NUP93: variants seen among roughly 807,000 people sequenced by gnomAD.
NUP93 encodes the protein nucleoporin 93, also known as nuclear pore complex protein Nup93.
NUP93 carries 55 observed loss-of-function variants against 107.8 expected under a neutral mutation model. The observed-to-expected ratio is 0.51, with a 90% CI of 0.41 to 0.64. NUP93 has a LOEUF of 0.64. Ranked by LOEUF, NUP93 falls within the 30% of genes least tolerant of loss-of-function variation. The pLI is 0.00. For missense variants in NUP93, 937 were observed against 1,044.7 expected (o/e 0.90, Z 1.42); for synonymous variants, 390 against 397.5 (o/e 0.98, Z 0.22).
At chr16:56,817,352 CT>C (rs1963454838) in intron 5 of NUP93, among the ~76,000 whole-genome samples, 2 of 152,176 alleles carry the variant, frequency 1.3e-5, no homozygotes, top group Admixed American at 1.3e-4. Context: ...CTCTCTCCCC[CT>C]CTCCTGGTGC....
At chr16:56,774,194 G>A (rs2144508582) in intron 3 of NUP93, among the ~76,000 whole-genome samples, 1 of 152,300 alleles carries the variant, frequency 6.6e-6, no homozygotes, top group Non-Finnish European at 1.5e-5. Flanking sequence ...GCTGTGAGCG[G>A]ATGTGCTGTT....
chr16:56,798,582 A>T (rs779904364), intron 4 of NUP93, 44 bp downstream of exon 4: 1 of 1,521,960 alleles, frequency 6.6e-7, no homozygotes. Flanking sequence ...GATGAGGGCA[A>T]GAGGGCTGGG....
intron 3 of NUP93, among the ~76,000 whole-genome samples, chr16:56,784,789 A>G (rs570807244): frequency 1.3e-5 from 2 of 152,296 alleles, no homozygotes; most frequent in Non-Finnish European, 2.9e-5. Flanking sequence ...CTTGATATCA[A>G]ATTTATAAAG....
At chr16:56,815,685 T>A (rs1326968344) in intron 5 of NUP93, among the ~76,000 whole-genome samples, 2 of 152,190 alleles carry the variant, frequency 1.3e-5, no homozygotes, top group African/African-American at 4.8e-5. Context: ...CTCACAACAG[T>A]GCTGTGAGGT....
At chr16:56,843,502 G>A (rs964490161) in intron 21 of NUP93, among the ~76,000 whole-genome samples, 15 of 152,244 alleles carry the variant, frequency 9.9e-5, no homozygotes, top group African/African-American at 2.4e-4. Flanking sequence ...TAAAAGCTGC[G>A]TGCCCAAGAA....
At chr16:56,839,722 G>A (rs985176763) in intron 20 of NUP93, 118 bp downstream of exon 20, 8 of 804,430 alleles carry the variant, frequency 9.9e-6, no homozygotes, top group Non-Finnish European at 1.7e-5. Flanking sequence ...TCCAGACTGA[G>A]TTTTCCAGAG....
At chr16:56,805,383 G>T in intron 4 of NUP93, 121 bp from the exon 5 acceptor site, 2 of 1,024,960 alleles carry the variant, frequency 2.0e-6, no homozygotes, top group Non-Finnish European at 1.4e-6. Context: ...AAAGTAGATT[G>T]CTTTTTCTCT....
At chr16:56,814,417 T>C (rs1307440056) in intron 5 of NUP93, among the ~76,000 whole-genome samples, 1 of 152,200 alleles carries the variant, frequency 6.6e-6, no homozygotes, top group Non-Finnish European at 1.5e-5. Context: ...CTTGAACTCC[T>C]GGACTCAAGT....
chr16:56,770,422 A>G (rs1277498200), intron 3 of NUP93, among the ~76,000 whole-genome samples: 2 of 152,188 alleles, frequency 1.3e-5, no homozygotes, highest in Non-Finnish European at 2.9e-5. Flanking sequence ...TCACCCCTTG[A>G]GTTAAGGCTG....
chr16:56,801,899 G>A (rs566402882), intron 4 of NUP93, among the ~76,000 whole-genome samples: 1 of 152,264 alleles, frequency 6.6e-6, no homozygotes, highest in Admixed American at 6.5e-5. Context: ...AATTCCCACT[G>A]TTGTCATTCT....
chr16:56,832,500 C>T (rs1023553376), intron 12 of NUP93, 112 bp downstream of exon 12: 2 of 778,980 alleles, frequency 2.6e-6, no homozygotes, highest in Admixed American at 2.1e-5. Flanking sequence ...TCTTCCAAAA[C>T]TCCTATAGAT....
chr16:56,788,822 G>A (rs982082239), intron 3 of NUP93, among the ~76,000 whole-genome samples: 1 of 152,200 alleles, frequency 6.6e-6, no homozygotes, highest in Non-Finnish European at 1.5e-5. Flanking sequence ...TGCCTACATT[G>A]TGTTGACAAG....
chr16:56,843,121 G>T (rs910281826), intron 21 of NUP93, among the ~76,000 whole-genome samples: 7 of 152,302 alleles, frequency 4.6e-5, no homozygotes, highest in African/African-American at 1.4e-4. Flanking sequence ...CCACTGAAGC[G>T]GTCAGCCCAT....
rs1293610338 is a variant in NUP93, at chr16:56,848,740, A to AT, written c.*4134dup. 6.6e-6 allele frequency: 1 copy of AT among 152,218 alleles called. No homozygotes were observed. The highest frequency in any genetic ancestry group is 2.4e-5 in the African/African-American group (1 of 41,452). The allele number at this position is 152,218 out of a possible 1,614,324, so 9.4% of individuals were successfully genotyped here. A position where few individuals can be genotyped will look rare whatever the true frequency, so the allele number is the denominator to read the frequency against. ...GTGACTGGCTAGATAGGCCACGTGTATTTATCAGCCAAGATTCCATTGCAG... is the reference window on the plus strand; with the variant it reads ...GTGACTGGCTAGATAGGCCACGTGTATTTTATCAGCCAAGATTCCATTGCAG... On this transcript the variant is annotated 3_prime_UTR_variant, in exon 22 of 22. Transcript: ENST00000308159.
At chr16:56,804,130 G>A (rs1963081615) in intron 4 of NUP93, among the ~76,000 whole-genome samples, 1 of 152,100 alleles carries the variant, frequency 6.6e-6, no homozygotes. Flanking sequence ...AATGTGAAAT[G>A]GTACAGCCTC....
chr16:56,755,000 A>T (rs1452732503), intron 2 of NUP93, among the ~76,000 whole-genome samples: 1 of 152,214 alleles, frequency 6.6e-6, no homozygotes. Flanking sequence ...GTTGGCGAGG[A>T]TGTGGGAAAA....
intron 4 of NUP93, among the ~76,000 whole-genome samples, chr16:56,803,411 G>C (rs1396783167): frequency 6.6e-6 from 1 of 152,056 alleles, no homozygotes; most frequent in African/African-American, 2.4e-5. Flanking sequence ...TTTGCAGTGA[G>C]CTGAGATCGT....
At chr16:56,815,940 A>G (rs1160081368) in intron 5 of NUP93, among the ~76,000 whole-genome samples, 7 of 101,116 alleles carry the variant, frequency 6.9e-5, no homozygotes, top group East Asian at 2.3e-4. Flanking sequence ...TACCACTACT[A>G]CTACTACTAC....
chr16:56,844,220 C>T (rs1320893869), intron 21 of NUP93, among the ~76,000 whole-genome samples: 2 of 152,074 alleles, frequency 1.3e-5, no homozygotes, highest in African/African-American at 2.4e-5. Flanking sequence ...TGTGTTGGGG[C>T]GAGGCGGCTT....
Sources: allele counts gnomAD v4.1 joint callset (sites outside exome capture counted in the v4.1 genomes callset), GRCh38; gene constraint gnomAD v4.1.1; transcripts MANE v1.5; gene names NCBI Gene and HGNC (gene_info 2026-07-23, HGNC 2026-07-21).